Variants in RBFOX1 observed in about 807,000 individuals in gnomAD.
The protein encoded by RBFOX1 is RNA binding protein fox-1 homolog 1.
RBFOX1 carries 8 observed loss-of-function variants against 57.7 expected under a neutral mutation model. That is an observed-to-expected ratio of 0.14 (90% CI 0.08 to 0.25). The LOEUF (loss-of-function observed/expected upper bound fraction) is 0.25. Ranked by LOEUF, RBFOX1 falls within the 10% of genes least tolerant of loss-of-function variation. The pLI is 1.00. For synonymous variants in RBFOX1, 326 were observed against 222.4 expected, an observed-to-expected ratio of 1.47 and a Z score of -4.15; for missense variants, 611 against 548.5, an observed-to-expected ratio of 1.11 and a Z score of -1.14.
intron 1 of RBFOX1, among the ~76,000 whole-genome samples, chr16:5,328,297 A>G (rs2064643532): frequency 6.6e-6 from 1 of 152,164 alleles, no homozygotes; most frequent in South Asian, 2.1e-4. Context: ...ATTTTGACAC[A>G]CGAAGAGACT....
chr16:6,490,321 G>C (rs1036973083), intron 2 of RBFOX1, among the ~76,000 whole-genome samples: 1 of 152,184 alleles, frequency 6.6e-6, no homozygotes. Context: ...GAAGTAGAGA[G>C]CGTCAATGAA....
intron 3 of RBFOX1, among the ~76,000 whole-genome samples, chr16:6,952,292 C>A (rs957913963): frequency 6.6e-6 from 1 of 152,178 alleles, no homozygotes; most frequent in African/African-American, 2.4e-5. Context: ...AAAGGTAAAG[C>A]TCTTGTGTGT....
chr16:6,711,283 C>G lies in RBFOX1; in HGVS notation c.-16+56633C>G, dbSNP rs746397704. ...GTTTTGTCTCCACACGCCCCTCCCC[C>G]CATGGCTTCTGTCTCACTGAGAATA... On this transcript the variant is annotated intron_variant, in intron 3 of 15. Coordinates refer to ENST00000550418, the MANE Select transcript of RBFOX1 (RefSeq NM_018723.4). Among the ~76,000 whole-genome samples the G allele has an allele frequency of 5.3e-5, 8 of 152,150 alleles. 1 individual carries two copies. Among genetic ancestry groups the G allele is most frequent in the Non-Finnish European group, 5.9e-5 (4 of 68,038 alleles).
Position 7,653,719 on chromosome 16 carries a change from T to C in RBFOX1, c.758-96T>C, listed in dbSNP as rs376024126. The C allele has an allele frequency of 9.0e-6, 14 of 1,554,206 alleles. No homozygotes were observed. In the Admixed American group the frequency reaches 2.0e-4, roughly 22 times the overall value. ...GCGGGCGGGGGTCCTGCTGGGACCC[T>C]GTGCAGGGACAAGGGTTCCCGGGGC... On this transcript the variant is annotated intron_variant, in intron 11 of 15. Coordinates refer to ENST00000550418, the MANE Select transcript of RBFOX1 (RefSeq NM_018723.4).
At chr16:5,642,013 C>T (rs1232156619) in intron 3 of RBFOX1, among the ~76,000 whole-genome samples, 1 of 152,042 alleles carries the variant, frequency 6.6e-6, no homozygotes, top group African/African-American at 2.4e-5. Flanking sequence ...CAGGGGATAC[C>T]AAGGCTGCTG....
rs185111970 is a variant in RBFOX1 at position 6,909,314 on chromosome 16, C to T, written c.-15-142743C>T. On this transcript the variant is annotated intron_variant, in intron 3 of 15. Transcript: ENST00000550418. The stretch of plus-strand genomic sequence containing the variant: ...CCCTGGCTTCCAGCATCACATACCT[C>T]CTTCTCTGGTCTTCCTCTTGTAAGG... 7.9e-5 allele frequency among the ~76,000 whole-genome samples: 12 copies of T among 152,314 alleles called. 1 individual carries two copies. Among genetic ancestry groups the T allele is most frequent in the African/African-American group, 2.6e-4 (11 of 41,568 alleles).
At chr16:6,714,869 G>A (rs1568326911) in intron 3 of RBFOX1, among the ~76,000 whole-genome samples, 5 of 152,076 alleles carry the variant, frequency 3.3e-5, no homozygotes, top group Non-Finnish European at 5.9e-5. Flanking sequence ...TTGGGAGGCA[G>A]AAAAAAGTCT....
intron 9 of RBFOX1, among the ~76,000 whole-genome samples, chr16:7,599,437 C>G (rs182246975): frequency 2.3e-3 from 322 of 142,934 alleles, no homozygotes; most frequent in African/African-American, 7.4e-3. Context: ...TGACCAGGGA[C>G]TGAAAACTAG....
chr16:6,516,603 T>G (rs548468930), intron 2 of RBFOX1, among the ~76,000 whole-genome samples: 1 of 152,314 alleles, frequency 6.6e-6, no homozygotes, highest in East Asian at 1.9e-4. Context: ...CCCAACACTT[T>G]CATGGAATTG....
chr16:6,487,060 CCAAA>C (rs1471076888), intron 2 of RBFOX1, among the ~76,000 whole-genome samples: 2 of 151,500 alleles, frequency 1.3e-5, no homozygotes, highest in Non-Finnish European at 2.9e-5. Context: ...CTATAATGTC[CCAAA>C]CAGTTTTCAG....
chr16:6,670,286 C>T (rs2098756142), intron 3 of RBFOX1, among the ~76,000 whole-genome samples: 1 of 151,942 alleles, frequency 6.6e-6, no homozygotes, highest in Non-Finnish European at 1.5e-5. Flanking sequence ...TCCAGGCTGG[C>T]TTCCAAGTCC....
intron 1 of RBFOX1, among the ~76,000 whole-genome samples, chr16:6,260,562 A>G (rs2097695795): frequency 6.6e-6 from 1 of 152,140 alleles, no homozygotes. Flanking sequence ...TATCTGTATT[A>G]AGATATATAT....
chr16:7,148,224 C>A (rs1046116458), intron 4 of RBFOX1, among the ~76,000 whole-genome samples: 4 of 152,134 alleles, frequency 2.6e-5, no homozygotes, highest in African/African-American at 9.7e-5. Flanking sequence ...AAGATGAAAA[C>A]AAAACTTTAA....
At chr16:7,532,289 C>T (rs1218832976) in intron 5 of RBFOX1, among the ~76,000 whole-genome samples, 1 of 152,040 alleles carries the variant, frequency 6.6e-6, no homozygotes, top group Admixed American at 6.6e-5. Flanking sequence ...CGGTGACATT[C>T]ATCTGGTGGC....
chr16:6,250,305 G>C (rs1598810455), intron 1 of RBFOX1, among the ~76,000 whole-genome samples: 1 of 152,200 alleles, frequency 6.6e-6, no homozygotes, highest in Non-Finnish European at 1.5e-5. Flanking sequence ...GCAGTCCACT[G>C]CTCATTAGAA....
At chr16:7,243,276 G>A (rs565179128) in intron 4 of RBFOX1, among the ~76,000 whole-genome samples, 7 of 152,148 alleles carry the variant, frequency 4.6e-5, no homozygotes, top group South Asian at 2.1e-4. Context: ...GCCTATAGGC[G>A]TGGTCAGGGT....
chr16:6,815,723 C>A (rs905943796), intron 3 of RBFOX1, among the ~76,000 whole-genome samples: 1 of 152,172 alleles, frequency 6.6e-6, no homozygotes, highest in Non-Finnish European at 1.5e-5. Context: ...CCATTACCCA[C>A]TCTTCTCTCT....
At chr16:7,561,226 A>G (rs185337274) in intron 5 of RBFOX1, among the ~76,000 whole-genome samples, 204 of 152,336 alleles carry the variant, frequency 1.3e-3, no homozygotes, top group African/African-American at 4.6e-3. Flanking sequence ...AAGTTTTATC[A>G]AAACACAGCC....
intron 4 of RBFOX1, among the ~76,000 whole-genome samples, chr16:7,294,624 A>G (rs2095855774): frequency 6.6e-6 from 1 of 152,140 alleles, no homozygotes; most frequent in Non-Finnish European, 1.5e-5. Flanking sequence ...TTGAGTAAGG[A>G]CAAGAAAGCT....
Sources: gnomAD v4.1 joint callset for allele counts (sites outside exome capture counted in the v4.1 genomes callset) on GRCh38, gnomAD v4.1.1 for gene constraint, MANE v1.5 for transcripts, NCBI Gene and HGNC (gene_info 2026-07-23, HGNC 2026-07-21) for gene names.